Variants in HNRNPC observed in about 807,000 individuals in gnomAD.
HNRNPC encodes heterogeneous nuclear ribonucleoproteins C1/C2.
HNRNPC carries 3 observed loss-of-function variants against 33.2 expected under a neutral mutation model. The ratio of observed to expected loss-of-function variants is 0.09; its 90% CI spans 0.04 to 0.23. The LOEUF is 0.23. HNRNPC is among the 10% of genes least tolerant of loss of function. HNRNPC has a pLI of 1.00. For synonymous variants in HNRNPC, 121 were observed against 126.7 expected (o/e 0.96, Z 0.30); for missense variants, 143 against 366.7 (o/e 0.39, Z 4.98).
At chr14:21,224,332 A>G (rs1343350280) in intron 5 of HNRNPC, among the ~76,000 whole-genome samples, 1 of 152,166 alleles carries the variant, frequency 6.6e-6, no homozygotes. Flanking sequence ...CATTTCAACT[A>G]ATTTTCTCTC....
chr14:21,228,260 T>C (rs753451391), intron 5 of HNRNPC, among the ~76,000 whole-genome samples: 2 of 152,252 alleles, frequency 1.3e-5, no homozygotes, highest in Non-Finnish European at 2.9e-5. Flanking sequence ...GAGTTATTTA[T>C]ATCCTACTGC....
intron 2 of HNRNPC, among the ~76,000 whole-genome samples, chr14:21,241,627 C>G (rs1403038655): frequency 6.6e-6 from 1 of 152,174 alleles, no homozygotes; most frequent in Non-Finnish European, 1.5e-5. Context: ...TCCCACATTA[C>G]TCTCTATCTG....
intron 2 of HNRNPC, among the ~76,000 whole-genome samples, chr14:21,244,290 A>G (rs1895695484): frequency 6.6e-6 from 1 of 152,222 alleles, no homozygotes; most frequent in South Asian, 2.1e-4. Context: ...GTGAGCCCCC[A>G]CGCCTGCCCG....
intron 2 of HNRNPC, among the ~76,000 whole-genome samples, chr14:21,249,865 C>A (rs1187112192): frequency 6.6e-6 from 1 of 152,034 alleles, no homozygotes; most frequent in African/African-American, 2.4e-5. Flanking sequence ...AAGTATCCAA[C>A]AAACACCAGG....
At chr14:21,249,587 C>CAA (rs1896390351) in intron 2 of HNRNPC, among the ~76,000 whole-genome samples, 1 of 27,492 alleles carries the variant, frequency 3.6e-5, no homozygotes, top group African/African-American at 2.1e-4. Context: ...AACTGTGTCT[C>CAA]AAAAACAAAA....
chr14:21,260,944 C>CA, intron 2 of HNRNPC, among the ~76,000 whole-genome samples: 1 of 125,320 alleles, frequency 8.0e-6, no homozygotes, highest in South Asian at 2.6e-4. Context: ...GCCTGGGAAA[C>CA]AGAGCGAGAC....
intron 2 of HNRNPC, among the ~76,000 whole-genome samples, chr14:21,256,531 G>T (rs780359230): frequency 6.6e-6 from 1 of 152,024 alleles, no homozygotes; most frequent in Non-Finnish European, 1.5e-5. Context: ...TAGTGGGGAG[G>T]GACAAAAGAA....
rs535392267 is a variant in HNRNPC at position 21,229,845 on chromosome 14, C to G, written c.365+474G>C. On this transcript the variant is annotated intron_variant, in intron 5 of 8. Transcript: ENST00000553300. ...TTGCATGTTTAAAGTCTATTGCATA[C>G]AATAGTTTGCTCCATATACTTACAT... Among the ~76,000 whole-genome samples, 35 of 152,272 alleles carry G rather than the reference C, an allele frequency of 2.3e-4. 1 individual carries two copies. Among genetic ancestry groups the G allele is most frequent in the Admixed American group, 1.8e-3 (28 of 15,300 alleles).
intron 2 of HNRNPC, among the ~76,000 whole-genome samples, chr14:21,243,857 A>G (rs1895642249): frequency 6.6e-6 from 1 of 152,216 alleles, no homozygotes; most frequent in South Asian, 2.1e-4. Context: ...AACATCTACC[A>G]CGTAGAGGTT....
chr14:21,242,810 C>A (rs1035187677), intron 2 of HNRNPC, among the ~76,000 whole-genome samples: 44 of 152,168 alleles, frequency 2.9e-4, no homozygotes, highest in African/African-American at 1.1e-3. Context: ...TTTCTAGAAT[C>A]TATATATGGG....
chr14:21,224,969 G>A (rs926281263), intron 5 of HNRNPC, among the ~76,000 whole-genome samples: 2 of 152,106 alleles, frequency 1.3e-5, no homozygotes, highest in Admixed American at 1.3e-4. Context: ...TACAAAATGT[G>A]CTAAGTTTAA....
chr14:21,220,945 G>A (rs1157522106), intron 5 of HNRNPC, among the ~76,000 whole-genome samples: 1 of 152,202 alleles, frequency 6.6e-6, no homozygotes, highest in African/African-American at 2.4e-5. Flanking sequence ...AAAAAAGTCA[G>A]GTATGGTGGC....
chr14:21,232,187 G>T (rs1312264132), intron 3 of HNRNPC, among the ~76,000 whole-genome samples: 1 of 151,986 alleles, frequency 6.6e-6, no homozygotes, highest in African/African-American at 2.4e-5. Flanking sequence ...TCTTCTCCTT[G>T]TTCTAAAAAG....
At chr14:21,243,570 T>C (rs939294717) in intron 2 of HNRNPC, among the ~76,000 whole-genome samples, 1 of 152,224 alleles carries the variant, frequency 6.6e-6, no homozygotes, top group African/African-American at 2.4e-5. Context: ...TATGTAACAA[T>C]GATCATGCAA....
intron 2 of HNRNPC, among the ~76,000 whole-genome samples, chr14:21,257,886 G>C (rs1877500119): frequency 6.6e-6 from 1 of 152,102 alleles, no homozygotes; most frequent in African/African-American, 2.4e-5. Context: ...AAATGTGCTT[G>C]CTTCCCTATT....
chr14:21,233,829 G>A, intron 3 of HNRNPC, 124 bp downstream of exon 3: 1 of 1,197,180 alleles, frequency 8.4e-7, no homozygotes, highest in Non-Finnish European at 1.2e-6. Context: ...ATTTTTATTA[G>A]GCTAAACAGT....
chr14:21,211,787 G>A, intron 7 of HNRNPC, 23 bp downstream of exon 7: 2 of 1,591,106 alleles, frequency 1.3e-6, no homozygotes, highest in Middle Eastern at 2.2e-4. Flanking sequence ...TGTATACCAA[G>A]GGCAAGCAGA....
At chr14:21,231,119 A>G in intron 3 of HNRNPC, 47 bp from the exon 4 acceptor site, 1 of 1,539,822 alleles carries the variant, frequency 6.5e-7, no homozygotes, top group Middle Eastern at 1.7e-4. Flanking sequence ...GTATCCGGGT[A>G]AAACAAACTA....
chr14:21,234,349 G>A (rs1894436670), intron 2 of HNRNPC, 120 bp from the exon 3 acceptor site: 2 of 772,766 alleles, frequency 2.6e-6, no homozygotes, highest in Middle Eastern at 2.8e-4. Context: ...GCAACTTAAA[G>A]GGACTCACAG....
Sources: allele counts gnomAD v4.1 joint callset (sites outside exome capture counted in the v4.1 genomes callset), GRCh38; gene constraint gnomAD v4.1.1; transcripts MANE v1.5; gene names NCBI Gene and HGNC (gene_info 2026-07-23, HGNC 2026-07-21).